Variants in VPS8 observed in about 807,000 individuals in gnomAD.
The protein encoded by VPS8 is VPS8 subunit of CORVET complex, also known as vacuolar protein sorting-associated protein 8 homolog.
Under a neutral mutation model 216.4 loss-of-function variants are expected in VPS8, and 129 were observed. The observed-to-expected ratio is 0.60, with a 90% confidence interval of 0.52 to 0.69. The LOEUF (loss-of-function observed/expected upper bound fraction) is 0.69. VPS8 is among the 30% of genes least tolerant of loss of function. VPS8 has a pLI of 0.00. For synonymous variants in VPS8, 571 were observed against 565.4 expected, an observed-to-expected ratio of 1.01 and a Z score of -0.14; for missense variants, 1,531 against 1,683.5, an observed-to-expected ratio of 0.91 and a Z score of 1.59.
At chr3:184,970,951 A>AAGG (rs1748304830) in intron 39 of VPS8, among the ~76,000 whole-genome samples, 1 of 152,228 alleles carries the variant, frequency 6.6e-6, no homozygotes, top group Non-Finnish European at 1.5e-5. Context: ...GTGTGGGGTG[A>AAGG]AGGAGAGGGA....
At chr3:184,924,424 G>A (rs1190131273) in intron 29 of VPS8, among the ~76,000 whole-genome samples, 1 of 152,134 alleles carries the variant, frequency 6.6e-6, no homozygotes, top group African/African-American at 2.4e-5. Context: ...GGCTGAGGCA[G>A]GAGAATCACT....
intron 23 of VPS8, among the ~76,000 whole-genome samples, chr3:184,897,575 A>G (rs1034367019): frequency 6.6e-6 from 1 of 152,092 alleles, no homozygotes; most frequent in Admixed American, 6.5e-5. Flanking sequence ...TGAAGCTGTA[A>G]ATGTGTTAGT....
chr3:184,940,173 A>C, intron 35 of VPS8, 24 bp from the exon 36 acceptor site: 2 of 1,424,508 alleles, frequency 1.4e-6, no homozygotes, highest in Non-Finnish European at 1.9e-6. Context: ...ATTTAATTGT[A>C]ATTTTTATTG....
chr3:184,980,720 C>A (rs1343925654), intron 40 of VPS8, among the ~76,000 whole-genome samples: 2 of 152,154 alleles, frequency 1.3e-5, no homozygotes, highest in Non-Finnish European at 2.9e-5. Flanking sequence ...GCTCTTGTAT[C>A]ATTTTATTAG....
chr3:184,873,878 G>C (rs1388230101), intron 21 of VPS8, among the ~76,000 whole-genome samples: 1 of 152,204 alleles, frequency 6.6e-6, no homozygotes, highest in South Asian at 2.1e-4. Context: ...TTTCAAATAA[G>C]GCATTCTTGA....
At chr3:184,902,972 G>A (rs1172035616) in intron 25 of VPS8, among the ~76,000 whole-genome samples, 1 of 152,096 alleles carries the variant, frequency 6.6e-6, no homozygotes, top group Non-Finnish European at 1.5e-5. Flanking sequence ...ATGATGTAAG[G>A]TAAAGTTCAA....
chr3:184,963,645 C>T (rs6783073), intron 37 of VPS8, among the ~76,000 whole-genome samples: 40,750 of 151,852 alleles, frequency 0.27, 6,557 homozygotes, highest in East Asian at 0.63. Flanking sequence ...TGTCTAGGAT[C>T]TCTAAGGTAT....
intron 46 of VPS8, among the ~76,000 whole-genome samples, chr3:185,044,462 T>C (rs1712395411): frequency 6.6e-6 from 1 of 152,128 alleles, no homozygotes; most frequent in Admixed American, 6.5e-5. Context: ...GGCACATGGT[T>C]ATTACACGAT....
chr3:185,019,347 GACACACACAC>G (rs111857967), intron 45 of VPS8, among the ~76,000 whole-genome samples: 9 of 149,778 alleles, frequency 6.0e-5, no homozygotes, highest in African/African-American at 2.2e-4. Context: ...AGGAATTAAA[GACACACACAC>G]ACACACACAC....
chr3:184,984,437 G>A (rs1750756797), intron 42 of VPS8, among the ~76,000 whole-genome samples: 1 of 151,494 alleles, frequency 6.6e-6, no homozygotes, highest in South Asian at 2.1e-4. Context: ...GGGATTAGAG[G>A]CATGTGCCAC....
intron 44 of VPS8, among the ~76,000 whole-genome samples, chr3:184,998,855 C>T (rs1753000445): frequency 1.3e-5 from 2 of 151,790 alleles, no homozygotes; most frequent in African/African-American, 4.8e-5. Flanking sequence ...TATCAAGCTA[C>T]TTAAATAATT....
At chr3:184,818,028 A>C (rs543017456) in intron 1 of VPS8, among the ~76,000 whole-genome samples, 1 of 152,294 alleles carries the variant, frequency 6.6e-6, no homozygotes, top group African/African-American at 2.4e-5. Flanking sequence ...AAGTTAGATA[A>C]ATGTAGAGAA....
At chr3:184,843,386 TG>T (rs932845550) in intron 8 of VPS8, 141 bp downstream of exon 8, 4 of 498,064 alleles carry the variant, frequency 8.0e-6, no homozygotes, top group African/African-American at 7.8e-5. Flanking sequence ...ATTAGTTAAG[TG>T]GGAAATTGTG....
Position 185,051,112 on chromosome 3 carries a change from C to T in VPS8, c.4138-764C>T, listed in dbSNP as rs538111231. 6.6e-5 allele frequency among the ~76,000 whole-genome samples: 10 copies of T among 152,294 alleles called. No homozygotes were observed. In the South Asian group the frequency reaches 2.1e-3, roughly 32 times the overall value. On this transcript the variant is annotated intron_variant, in intron 47 of 47. Transcript: ENST00000625842. ...AGCCAGGCTGCCAGCTCCCTACTTT[C>T]GCAGAAAGCCTCTTTAGGTGAAAGG...
chr3:184,868,938 C>T lies in VPS8; in HGVS notation c.1507-8C>T, dbSNP rs1252162340. On this transcript the variant is annotated splice_region_variant and splice_polypyrimidine_tract_variant and intron_variant, in intron 18 of 47. Transcript: ENST00000625842. Reference sequence around the variant, plus strand: ...AGGGGCCTGGTTTCTCTCATTTTTCCGTTTTAGAGAGTGGATCATCTCCTG... The same window carrying T: ...AGGGGCCTGGTTTCTCTCATTTTTCTGTTTTAGAGAGTGGATCATCTCCTG... 8 of 1,599,142 alleles carry T rather than the reference C, an allele frequency of 5.0e-6. No individual in the cohort carries two copies. The highest frequency in any genetic ancestry group is 2.3e-5 in the South Asian group (2 of 88,016).
intron 6 of VPS8, chr3:184,839,382 C>A (rs551589757): frequency 3.5e-6 from 1 of 287,716 alleles, no homozygotes; most frequent in African/African-American, 2.3e-5. Flanking sequence ...GCATAAGTGC[C>A]TCTTACTTTG....
intron 35 of VPS8, among the ~76,000 whole-genome samples, chr3:184,937,039 C>A (rs1371923450): frequency 6.6e-6 from 1 of 152,108 alleles, no homozygotes; most frequent in Non-Finnish European, 1.5e-5. Context: ...ATCTGGGCCA[C>A]AACCCTGTTT....
chr3:184,958,635 A>G (rs1745998828), intron 37 of VPS8, among the ~76,000 whole-genome samples: 1 of 152,230 alleles, frequency 6.6e-6, no homozygotes. Context: ...TTTAGTGTGC[A>G]GAGCTTCAGG....
At chr3:184,827,831 A>G (rs964324719) in intron 3 of VPS8, among the ~76,000 whole-genome samples, 11 of 152,308 alleles carry the variant, frequency 7.2e-5, no homozygotes, top group African/African-American at 2.4e-4. Flanking sequence ...ATAAAGTGCA[A>G]TATGACTATC....
Sources: allele counts gnomAD v4.1 joint callset (sites outside exome capture counted in the v4.1 genomes callset), GRCh38; gene constraint gnomAD v4.1.1; transcripts MANE v1.5; gene names NCBI Gene and HGNC (gene_info 2026-07-23, HGNC 2026-07-21).